The following EZH2 variants were observed in gnomAD, a reference collection of about 807,000 sequenced individuals.
The protein encoded by EZH2 is histone-lysine N-methyltransferase EZH2.
A neutral mutation model predicts 98.4 loss-of-function variants in EZH2; 18 were observed. The ratio of observed to expected loss-of-function variants is 0.18; its 90% confidence interval spans 0.13 to 0.27. The LOEUF is 0.27. Among genes scored for constraint, EZH2 ranks in the 10% least tolerant of loss-of-function variants. EZH2 has a pLI of 1.00. For synonymous variants in EZH2, 338 were observed against 312.3 expected, an observed-to-expected ratio of 1.08 and a Z score of -0.87; for missense variants, 470 against 935.1, an observed-to-expected ratio of 0.50 and a Z score of 6.49.
intron 1 of EZH2, among the ~76,000 whole-genome samples, chr7:148,857,366 C>T (rs1416735791): frequency 6.6e-6 from 1 of 152,188 alleles, no homozygotes; most frequent in Non-Finnish European, 1.5e-5. Flanking sequence ...CTGGCAAAAT[C>T]CAAATAAAGT....
In EZH2 at chr7:148,826,548, A is replaced by G. The variant is rs1353630360; in HGVS notation, c.813T>C (p.Ser271=). 2.6e-5 allele frequency: 41 copies of G among 1,599,430 alleles called. No homozygotes were observed. The highest frequency in any genetic ancestry group is 3.4e-5 in the Non-Finnish European group (40 of 1,170,998). ...AGTGTAAGCTTTGCTCTCTCTGAACAGATTTAGCATTTGGTCCATCTATGT... is the reference window on the plus strand; with the variant it reads ...AGTGTAAGCTTTGCTCTCTCTGAACGGATTTAGCATTTGGTCCATCTATGT... ...TPNIDGPNAK[S]VQREQSLHSF... The change falls in exon 8 of 20, where the codon TCT becomes TCC. Residue 271 remains serine, a synonymous_variant. Coordinates refer to ENST00000320356, the MANE Select transcript of EZH2 (RefSeq NM_004456.5).
chr7:148,868,827 C>G (rs1818915245), intron 1 of EZH2, among the ~76,000 whole-genome samples: 1 of 152,050 alleles, frequency 6.6e-6, no homozygotes, highest in Non-Finnish European at 1.5e-5. Context: ...AAGACTAAGG[C>G]ACCCAATAAG....
intron 3 of EZH2, among the ~76,000 whole-genome samples, chr7:148,834,645 G>C (rs1337952193): frequency 6.6e-6 from 1 of 152,088 alleles, no homozygotes; most frequent in Non-Finnish European, 1.5e-5. Context: ...TTTCCAAAAA[G>C]GCAAAGATAA....
chr7:148,825,662 C>T (rs1034168804), intron 8 of EZH2, among the ~76,000 whole-genome samples: 1 of 152,074 alleles, frequency 6.6e-6, no homozygotes, highest in Admixed American at 6.6e-5. Flanking sequence ...AATGTGGGGC[C>T]GTTGAGTACA....
At chr7:148,869,743 A>T (rs1819065329) in intron 1 of EZH2, among the ~76,000 whole-genome samples, 1 of 152,212 alleles carries the variant, frequency 6.6e-6, no homozygotes, top group South Asian at 2.1e-4. Flanking sequence ...AGGCACATAC[A>T]TGGTAGATAC....
chr7:148,825,566 G>A (rs1323439143), intron 8 of EZH2, among the ~76,000 whole-genome samples: 1 of 152,162 alleles, frequency 6.6e-6, no homozygotes, highest in Non-Finnish European at 1.5e-5. Context: ...ACAGCTGCTT[G>A]GGCAAGCTTA....
chr7:148,871,748 T>C (rs1819438721), intron 1 of EZH2, among the ~76,000 whole-genome samples: 1 of 152,048 alleles, frequency 6.6e-6, no homozygotes, highest in African/African-American at 2.4e-5. Context: ...CTAACTTTTT[T>C]ATTTTTTGTA....
chr7:148,816,152 G>C (rs1804487706), intron 12 of EZH2, among the ~76,000 whole-genome samples: 1 of 152,148 alleles, frequency 6.6e-6, no homozygotes, highest in Non-Finnish European at 1.5e-5. Context: ...GATTAGAGCA[G>C]ATAGTCCACT....
chr7:148,850,940 C>G (rs746023126), intron 1 of EZH2, among the ~76,000 whole-genome samples: 1 of 152,094 alleles, frequency 6.6e-6, no homozygotes, highest in Non-Finnish European at 1.5e-5. Flanking sequence ...ACAAAAGTTA[C>G]GTAGCTAGAG....
chr7:148,819,722 C>T, intron 8 of EZH2, 35 bp from the exon 9 acceptor site: 1 of 1,557,594 alleles, frequency 6.4e-7, no homozygotes, highest in Non-Finnish European at 8.8e-7. Flanking sequence ...TCTAATATAA[C>T]TATAAAATAC....
In EZH2 at chr7:148,833,187, G is replaced by A. The variant is rs189821846; in HGVS notation, c.247-437C>T. ...GAATAAGAAAACTTGGGCCGGGCGC[G>A]GTGGCTCACGCCTGTAATCCCAGCA... On this transcript the variant is annotated intron_variant, in intron 3 of 19. Coordinates refer to ENST00000320356, the MANE Select transcript of EZH2 (RefSeq NM_004456.5). 4.1e-3 allele frequency among the ~76,000 whole-genome samples: 621 copies of A among 152,154 alleles called. 3 individuals carry two copies. The highest frequency in any genetic ancestry group is 0.014 in the African/African-American group (576 of 41,512).
chr7:148,838,514 G>A (rs374449006), intron 3 of EZH2, among the ~76,000 whole-genome samples: 1 of 152,258 alleles, frequency 6.6e-6, no homozygotes, highest in Admixed American at 6.5e-5. Flanking sequence ...ACTCAAAAAA[G>A]TACATGAAGC....
At chr7:148,843,837 C>G (rs1411051420) in intron 3 of EZH2, among the ~76,000 whole-genome samples, 2 of 151,772 alleles carry the variant, frequency 1.3e-5, no homozygotes, top group Admixed American at 1.3e-4. Context: ...CCTCGTGATC[C>G]GCCCGCCTCG....
intron 5 of EZH2, among the ~76,000 whole-genome samples, chr7:148,829,377 C>T (rs978047783): frequency 6.6e-6 from 1 of 152,056 alleles, no homozygotes; most frequent in Non-Finnish European, 1.5e-5. Context: ...GCTGTTGGAG[C>T]CCCTATATGC....
intron 3 of EZH2, among the ~76,000 whole-genome samples, chr7:148,839,846 C>G (rs1811986820): frequency 6.6e-6 from 1 of 151,950 alleles, no homozygotes; most frequent in South Asian, 2.1e-4. Flanking sequence ...TGCACCCAGC[C>G]AAAACTAGTA....
chr7:148,817,791 A>G (rs771264497), intron 10 of EZH2, 86 bp downstream of exon 10: 75 of 1,560,596 alleles, frequency 4.8e-5, no homozygotes, highest in Non-Finnish European at 6.3e-5. Flanking sequence ...CCAACTAAGA[A>G]AATTATTCAA....
intron 5 of EZH2, 93 bp from the exon 6 acceptor site, chr7:148,828,973 C>T (rs1808534164): frequency 1.6e-6 from 2 of 1,231,430 alleles, no homozygotes; most frequent in Non-Finnish European, 1.1e-6. Flanking sequence ...CAGGCATAGC[C>T]TAGTAACTGG....
In EZH2 at chr7:148,846,453, A is replaced by G. The variant is rs1814061718; in HGVS notation, c.246+17T>C. ...AAAAGATGATGATAATTACTACAAC[A>G]TGTTATGTTAACCAACCTCCCTAGT... On this transcript the variant is annotated intron_variant, in intron 3 of 19. Coordinates refer to ENST00000320356, the MANE Select transcript of EZH2 (RefSeq NM_004456.5). 6.8e-6 allele frequency: 11 copies of G among 1,606,284 alleles called. No homozygotes were observed. Among genetic ancestry groups the G allele is most frequent in the Middle Eastern group, 3.3e-4 (2 of 6,024 alleles).
intron 3 of EZH2, among the ~76,000 whole-genome samples, chr7:148,843,785 C>T (rs1159240096): frequency 9.2e-5 from 14 of 151,388 alleles, no homozygotes; most frequent in African/African-American, 3.2e-4. Context: ...TTAGTAGAGA[C>T]GGGGTTTCAC....
Sources: allele counts gnomAD v4.1 joint callset (sites outside exome capture counted in the v4.1 genomes callset), GRCh38; gene constraint gnomAD v4.1.1; transcripts MANE v1.5; gene names NCBI Gene and HGNC (gene_info 2026-07-23, HGNC 2026-07-21).